MED12: variants seen among roughly 807,000 people sequenced by gnomAD.
MED12 encodes mediator complex subunit 12, also known as mediator of RNA polymerase II transcription subunit 12.
A neutral mutation model predicts 177.7 loss-of-function variants in MED12; 10 were observed. That is an observed-to-expected ratio of 0.06 (90% CI 0.03 to 0.10). The LOEUF (loss-of-function observed/expected upper bound fraction) is 0.10. Among genes scored for constraint, MED12 ranks in the 10% least tolerant of loss-of-function variants. The probability of loss-of-function intolerance (pLI) is 1.00; values close to 1 mark genes in which losing one functional copy is unlikely to be tolerated. For synonymous variants in MED12, 641 were observed against 678.4 expected, an observed-to-expected ratio of 0.94 and a Z score of 0.86; for missense variants, 867 against 1,780.8, an observed-to-expected ratio of 0.49 and a Z score of 9.23.
Position 71,141,940 on chromosome X carries a change from C to T in MED12, c.6466C>T (p.Arg2156Trp). The T allele has an allele frequency of 8.3e-7, 1 of 1,211,569 alleles. No homozygotes were observed. Among genetic ancestry groups the T allele is most frequent in the Non-Finnish European group, 1.1e-6 (1 of 895,393 alleles). Reference sequence around the variant, plus strand: ...GCAGCAACAGACAGCAGCTTTGGTCCGGCAACTTCAACAACAGCTCTCTAG... The same window carrying T: ...GCAGCAACAGACAGCAGCTTTGGTCTGGCAACTTCAACAACAGCTCTCTAG... ...QQQQQTAALV[R>W]QLQQQLSNTQ... Residue 2156 changes from arginine to tryptophan, a missense_variant, in exon 44 of 45, where the codon CGG becomes TGG. Transcript: ENST00000374080.
intron 44 of MED12, 86 bp from the exon 45 acceptor site, chrX:71,142,088 CT>C: frequency 1.8e-5 from 20 of 1,116,881 alleles, no homozygotes; most frequent in Non-Finnish European, 2.3e-5. Flanking sequence ...ATTCCATCCC[CT>C]TCCCTCGATA....
At position 71,128,155 on chromosome X, in the gene MED12, C is replaced by T. The variant is rs190123882; in HGVS notation, c.3209+35C>T. ...GTACTGAGTGAGGAAGGGCACCATG[C>T]CCCCATCTGAGATAGGGAGGGCTGA... On this transcript the variant is annotated intron_variant, in intron 22 of 44. Transcript: ENST00000374080. The T allele has an allele frequency of 3.0e-5, 35 of 1,182,482 alleles. No individual in the cohort carries two copies. In the Admixed American group the frequency reaches 7.7e-4, roughly 26 times the overall value.
Position 71,124,357 on chromosome X carries a change from A to T in MED12, c.1943A>T (p.Glu648Val). The T allele has an allele frequency of 8.3e-7, 1 of 1,208,049 alleles. No homozygotes were observed. Among genetic ancestry groups the T allele is most frequent in the Non-Finnish European group, 1.1e-6 (1 of 893,142 alleles). ...CCTGCCGATGACCCAGAGCACAAGG[A>T]GGCTGAAGGCAGCAGCAGCAGCAAG... ...DDPADDPEHK[E>V]AEGSSSSKLE... Residue 648 changes from glutamate to valine, a missense_variant, in exon 13 of 45, where the codon GAG becomes GTG. Physicochemically the swap from Glu to Val is moderately radical, Grantham distance 121. This residue lies in a region of MED12 where 309 missense variants were observed against 556.3 expected (regional missense o/e 0.56). Coordinates refer to ENST00000374080, the MANE Select transcript of MED12 (RefSeq NM_005120.3).
rs1026205005 is a variant in MED12 at position 71,132,561 on chromosome X, C to G, written c.4415+23C>G. 2.6e-6 allele frequency: 3 copies of G among 1,164,736 alleles called. No individual in the cohort carries two copies. The African/African-American group carries it at 5.4e-5, about 21-fold the overall frequency. ...GAGGTAAAGGGGCTTAGGGAGTGGA[C>G]CAAGATTGAGGGGTAGAAAGGAGAA... On this transcript the variant is annotated intron_variant, in intron 31 of 44. Transcript: ENST00000374080.
At chrX:71,133,498 T>G (rs2092324035) in intron 33 of MED12, among the ~76,000 whole-genome samples, 1 of 109,914 alleles carries the variant, frequency 9.1e-6, no homozygotes, top group Admixed American at 9.6e-5. Flanking sequence ...CACACCTGGC[T>G]AATTTTTGTA....
At chrX:71,132,251 T>C (rs1398750810) in intron 30 of MED12, 45 bp downstream of exon 30, 2 of 1,190,460 alleles carry the variant, frequency 1.7e-6, no homozygotes, top group African/African-American at 3.5e-5. Context: ...GGAGTTTATC[T>C]GCTGGTAGCG....
chrX:71,121,819 A>G lies in MED12; in HGVS notation c.1101+3A>G, dbSNP rs2092290132. ...TTGGCCTCAGCTGTATCCTACAGGTAGGTACTAGGCGGGCCCAAGGAAGCA... is the reference window on the plus strand; with the variant it reads ...TTGGCCTCAGCTGTATCCTACAGGTGGGTACTAGGCGGGCCCAAGGAAGCA... On this transcript the variant is annotated splice_donor_region_variant and intron_variant, in intron 7 of 44. Transcript: ENST00000374080. 1 of 1,212,114 alleles carries G rather than the reference A, an allele frequency of 8.3e-7. No homozygotes were observed. Among genetic ancestry groups the G allele is most frequent in the Non-Finnish European group, 1.1e-6 (1 of 895,598 alleles).
At position 71,134,377 on chromosome X, in the gene MED12, G is replaced by A. The variant is rs980389482; in HGVS notation, c.4638G>A (p.Thr1546=). The change falls in exon 34 of 45, where the codon ACG becomes ACA. Residue 1546 remains threonine (T), a synonymous_variant. Transcript: ENST00000374080. The part of the protein sequence containing the change: ...RLNLVGGMFD[T]VQRSTQQTTE... The stretch of plus-strand genomic sequence containing the variant: ...GGCAGGTGGGGGGCATGTTTGACAC[G>A]GTGCAGCGCAGCACCCAGCAGACCA... 8 of 1,159,869 alleles carry A rather than the reference G, an allele frequency of 6.9e-6. No individual in the cohort carries two copies. Among genetic ancestry groups the A allele is most frequent in the South Asian group, 1.9e-5 (1 of 52,561 alleles).
rs4844283 is a variant in MED12, at chrX:71,122,064, G to A, written c.1102-136G>A. On this transcript the variant is annotated intron_variant, in intron 7 of 44. Coordinates refer to ENST00000374080, the MANE Select transcript of MED12 (RefSeq NM_005120.3). Reference sequence around the variant, plus strand: ...GGAAAGTGAGTGAAGGGAGGGGATCGGGGTGGAGTGATGCCTGTCTTGGGG... The same window carrying A: ...GGAAAGTGAGTGAAGGGAGGGGATCAGGGTGGAGTGATGCCTGTCTTGGGG... 63,553 of 899,694 alleles carry A rather than the reference G, an allele frequency of 0.071. 5,081 individuals carry two copies. Among genetic ancestry groups the A allele is most frequent in the Admixed American group, 0.34 (15,386 of 44,680 alleles). The allele number at this position is 899,694 out of a possible 1,213,427, so 74.1% of individuals were successfully genotyped here. A position where few individuals can be genotyped will look rare whatever the true frequency, so the allele number is the denominator to read the frequency against.
chrX:71,123,442 T>C (rs2092294936), intron 11 of MED12, 152 bp from the exon 12 acceptor site: 2 of 768,329 alleles, frequency 2.6e-6, no homozygotes, highest in Non-Finnish European at 3.9e-6. Flanking sequence ...AAGGCTTCAG[T>C]TGGGAGGTGG....
At chrX:71,129,944 T>C in intron 27 of MED12, 89 bp downstream of exon 27, 2 of 1,174,774 alleles carry the variant, frequency 1.7e-6, no homozygotes, top group Admixed American at 4.5e-5. Context: ...CTCCCTACTA[T>C]ACATTGTGTT....
rs779918145 is a variant in MED12, at chrX:71,125,398, T to C, written c.2274T>C (p.Phe758=). The change falls in exon 16 of 45, where the codon TTT becomes TTC. Residue 758 remains phenylalanine, a synonymous_variant. Transcript: ENST00000374080. ...HECNQRLVVL[F]GVGKQRDDAR... is the part of the protein sequence containing the mutation. ...GCAACCAGCGGTTGGTCGTACTGTTTGGGGTGGGAAAGCAGCGAGATGATG... is the reference window on the plus strand; with the variant it reads ...GCAACCAGCGGTTGGTCGTACTGTTCGGGGTGGGAAAGCAGCGAGATGATG... 8.3e-7 allele frequency: 1 copy of C among 1,210,727 alleles called. No individual in the cohort carries two copies. Among genetic ancestry groups the C allele is most frequent in the South Asian group, 1.8e-5 (1 of 56,863 alleles).
chrX:71,118,749 G>A lies in MED12; in HGVS notation c.-6G>A. The A allele has an allele frequency of 8.3e-7, 1 of 1,206,570 alleles. No individual in the cohort carries two copies. The highest frequency in any genetic ancestry group is 1.1e-6 in the Non-Finnish European group (1 of 893,167). ...CTGGTGCCTCCGGCGCTACGGGCTG[G>A]GCAAGATGGCGGCCTTCGGGATCTT... On this transcript the variant is annotated 5_prime_UTR_variant, in exon 1 of 45. Transcript: ENST00000374080.
At chrX:71,136,029 G>A (rs775887448) in intron 36 of MED12, among the ~76,000 whole-genome samples, 142 of 89,889 alleles carry the variant, frequency 1.6e-3, no homozygotes, top group African/African-American at 5.9e-3. Flanking sequence ...CCCCCGCCCC[G>A]TTAGTTCATC....
At chrX:71,119,114 G>A (rs1000652190) in intron 1 of MED12, among the ~76,000 whole-genome samples, 1 of 110,624 alleles carries the variant, frequency 9.0e-6, no homozygotes, top group African/African-American at 3.3e-5. Flanking sequence ...AGACAGCTTG[G>A]TGGGGTACGG....
chrX:71,119,898 C>T, intron 3 of MED12, 21 bp downstream of exon 3: 1 of 1,210,341 alleles, frequency 8.3e-7, no homozygotes, highest in Non-Finnish European at 1.1e-6. Context: ...GTTTCCTGTC[C>T]TTCAGGCCAA....
intron 28 of MED12, 93 bp from the exon 29 acceptor site, chrX:71,131,457 A>C: frequency 1.2e-6 from 1 of 842,043 alleles, no homozygotes; most frequent in South Asian, 2.1e-5. Context: ...TCTGTGATTC[A>C]ATGTTGCAGG....
chrX:71,137,430 G>A, intron 39 of MED12, 47 bp downstream of exon 39: 1 of 1,182,755 alleles, frequency 8.5e-7, no homozygotes, highest in Non-Finnish European at 1.1e-6. Context: ...AGGGAGAGGG[G>A]CTTTTGAGGG....
At chrX:71,126,277 C>G (rs2092303068) in intron 18 of MED12, 64 bp from the exon 19 acceptor site, 4 of 1,190,720 alleles carry the variant, frequency 3.4e-6, no homozygotes, top group Non-Finnish European at 4.6e-6. Context: ...CCAGTGTCAT[C>G]CTTTCCTCCT....
Sources: allele counts gnomAD v4.1 joint callset (sites outside exome capture counted in the v4.1 genomes callset), GRCh38; gene constraint gnomAD v4.1.1; regional missense constraint gnomAD v4.1.1; transcripts MANE v1.5; gene names NCBI Gene and HGNC (gene_info 2026-07-23, HGNC 2026-07-21).